The following ASIC2 variants were observed in gnomAD, a reference collection of about 807,000 sequenced individuals.
ASIC2 encodes acid sensing ion channel subunit 2.
Under a neutral mutation model 57.3 loss-of-function variants are expected in ASIC2, and 25 were observed. That is an observed-to-expected ratio of 0.44 (90% CI 0.32 to 0.61). The LOEUF (loss-of-function observed/expected upper bound fraction) is 0.61, where lower values mean the gene tolerates loss of function less well. ASIC2 is among the 20% of genes least tolerant of loss of function. The pLI is 0.06. For missense variants in ASIC2, 641 were observed against 738.1 expected (o/e 0.87, Z 1.52); for synonymous variants, 319 against 307.5 (o/e 1.04, Z -0.39).
At chr17:34,118,132 T>C (rs2887319) in intron 1 of ASIC2, among the ~76,000 whole-genome samples, 35,975 of 152,102 alleles carry the variant, frequency 0.24, 6,438 homozygotes, top group African/African-American at 0.51. Flanking sequence ...GCCATGGGTT[T>C]AAATCTTCCA....
At chr17:33,703,160 T>C (rs368162987) in intron 1 of ASIC2, among the ~76,000 whole-genome samples, 117 of 152,150 alleles carry the variant, frequency 7.7e-4, no homozygotes, top group Middle Eastern at 3.4e-3. Context: ...GTTTGAAGAA[T>C]GGAAAGAACC....
chr17:34,001,781 T>C (rs908270648), intron 1 of ASIC2: 1 of 152,220 alleles, frequency 6.6e-6, no homozygotes, highest in Non-Finnish European at 1.5e-5. Flanking sequence ...TAGTGCATCT[T>C]TTCTTATTTC....
intron 1 of ASIC2, among the ~76,000 whole-genome samples, chr17:33,173,739 C>T (rs990835821): frequency 1.3e-5 from 2 of 152,180 alleles, no homozygotes; most frequent in Non-Finnish European, 2.9e-5. Flanking sequence ...CATAAGTTTT[C>T]TCATTGGTAA....
intron 1 of ASIC2, among the ~76,000 whole-genome samples, chr17:33,114,169 T>C (rs16968024): frequency 0.17 from 25,684 of 152,258 alleles, 2,361 homozygotes; most frequent in Non-Finnish European, 0.21. Context: ...CCAATTCCTA[T>C]TCTTTCAGCT....
intron 1 of ASIC2, among the ~76,000 whole-genome samples, chr17:33,922,812 A>G (rs1915734677): frequency 6.6e-6 from 1 of 152,184 alleles, no homozygotes; most frequent in South Asian, 2.1e-4. Context: ...CTCAACCTTG[A>G]TATGCCACCA....
chr17:33,247,752 C>T (rs978798357), intron 1 of ASIC2, among the ~76,000 whole-genome samples: 6 of 152,202 alleles, frequency 3.9e-5, no homozygotes, highest in Admixed American at 3.3e-4. Flanking sequence ...GCGAGTCTTC[C>T]CTAAGAACAA....
intron 8 of ASIC2, among the ~76,000 whole-genome samples, chr17:33,016,762 A>G (rs1222517361): frequency 6.6e-6 from 1 of 151,464 alleles, no homozygotes; most frequent in East Asian, 2.0e-4. Context: ...GCTCCCGTCT[A>G]CTGCTCCTGT....
intron 1 of ASIC2, among the ~76,000 whole-genome samples, chr17:33,606,013 G>T (rs1905224205): frequency 6.6e-6 from 1 of 152,170 alleles, no homozygotes; most frequent in Non-Finnish European, 1.5e-5. Flanking sequence ...CCAGCTCTCA[G>T]TCTCTGCTTT....
chr17:33,380,801 G>A (rs567792304), intron 1 of ASIC2, among the ~76,000 whole-genome samples: 1 of 152,276 alleles, frequency 6.6e-6, no homozygotes, highest in African/African-American at 2.4e-5. Context: ...CCTCATAATT[G>A]CTGCTATTCC....
chr17:33,333,010 G>A (rs1311031928), intron 1 of ASIC2, among the ~76,000 whole-genome samples: 1 of 152,182 alleles, frequency 6.6e-6, no homozygotes, highest in Non-Finnish European at 1.5e-5. Context: ...AATCTATCTT[G>A]TAATCTATAT....
chr17:34,138,870 T>G lies in ASIC2; in HGVS notation c.555+17108A>C, dbSNP rs139622291. Among the ~76,000 whole-genome samples, 401 of 152,348 alleles carry G rather than the reference T, an allele frequency of 2.6e-3. 5 individuals are homozygous for G. The highest frequency in any genetic ancestry group is 9.2e-3 in the African/African-American group (383 of 41,576). ...CATCCCTCAAAGTCCACCTAGGCAA[T>G]GATCACACAACCCAATCCTCTGAAA... On this transcript the variant is annotated intron_variant, in intron 1 of 9. Transcript: ENST00000359872.
chr17:33,520,483 G>A lies in ASIC2; in HGVS notation c.556-408416C>T, dbSNP rs556064814. Among the ~76,000 whole-genome samples the A allele has an allele frequency of 4.6e-5, 7 of 152,340 alleles. No individual in the cohort carries two copies. The East Asian group carries it at 9.7e-4, about 21-fold the overall frequency. On this transcript the variant is annotated intron_variant, in intron 1 of 9. Coordinates refer to the ASIC2 transcript ENST00000359872. ...CCTAACTATGTCCAACACACGAGGA[G>A]CTGGAAGGATAGTTTGGTGAATGGC...
chr17:33,363,573 G>A (rs1287528797), intron 1 of ASIC2, among the ~76,000 whole-genome samples: 2 of 152,206 alleles, frequency 1.3e-5, no homozygotes, highest in Admixed American at 6.5e-5. Flanking sequence ...CTAGCCCTGC[G>A]TTCCGAGCTG....
intron 1 of ASIC2, among the ~76,000 whole-genome samples, chr17:33,408,403 A>G (rs1020991419): frequency 3.9e-5 from 6 of 152,164 alleles, no homozygotes; most frequent in African/African-American, 1.4e-4. Flanking sequence ...ACTTCAGTAC[A>G]ATGTAGTGAA....
At position 33,544,815 on chromosome 17, in the gene ASIC2, AATGTG is replaced by A. The variant is rs1314558892; in HGVS notation, c.556-432753_556-432749del. ...AAAAATATAGGTCGGGTATTCCTAGAATGTGTATTCACCTTTAGAATCTTCTGATT... is the reference window on the plus strand; with the variant it reads ...AAAAATATAGGTCGGGTATTCCTAGATATTCACCTTTAGAATCTTCTGATT... On this transcript the variant is annotated intron_variant, in intron 1 of 9. Coordinates refer to the ASIC2 transcript ENST00000359872. Among the ~76,000 whole-genome samples, 3 of 152,164 alleles carry A rather than the reference AATGTG, an allele frequency of 2.0e-5. No individual in the cohort carries two copies. In the East Asian group the frequency reaches 5.8e-4, roughly 29 times the overall value.
At chr17:33,895,875 T>C (rs917646968) in intron 1 of ASIC2, among the ~76,000 whole-genome samples, 1 of 152,210 alleles carries the variant, frequency 6.6e-6, no homozygotes, top group South Asian at 2.1e-4. Context: ...ATTCAAATCC[T>C]GAATTCACCA....
intron 1 of ASIC2, among the ~76,000 whole-genome samples, chr17:33,252,389 G>A (rs1417034427): frequency 1.3e-5 from 2 of 152,102 alleles, no homozygotes; most frequent in Non-Finnish European, 1.5e-5. Context: ...GTTAGAGTCC[G>A]CTCTGTTCTA....
chr17:33,148,969 G>C (rs1038399617), intron 1 of ASIC2, among the ~76,000 whole-genome samples: 1 of 151,980 alleles, frequency 6.6e-6, no homozygotes, highest in Admixed American at 6.6e-5. Flanking sequence ...TGGCAGGCAC[G>C]TGTAGTCCCA....
At chr17:33,737,733 C>T (rs1400333910) in intron 1 of ASIC2, among the ~76,000 whole-genome samples, 1 of 150,578 alleles carries the variant, frequency 6.6e-6, no homozygotes, top group East Asian at 1.9e-4. Flanking sequence ...CCTGAACTAA[C>T]AGGAAAGCGT....
Sources: allele counts gnomAD v4.1 joint callset (sites outside exome capture counted in the v4.1 genomes callset), GRCh38; gene constraint gnomAD v4.1.1; transcripts MANE v1.5; gene names NCBI Gene and HGNC (gene_info 2026-07-23, HGNC 2026-07-21).